The following IQSEC3 variants were observed in gnomAD, a reference collection of about 807,000 sequenced individuals.
IQSEC3 encodes IQ motif and SEC7 domain-containing protein 3.
Under a neutral mutation model 105.4 loss-of-function variants are expected in IQSEC3, and 50 were observed. The ratio of observed to expected loss-of-function variants is 0.47; its 90% CI spans 0.38 to 0.60. IQSEC3 has a LOEUF of 0.60. Ranked by LOEUF, IQSEC3 falls within the 20% of genes least tolerant of loss-of-function variation. IQSEC3 has a pLI of 0.00. For synonymous variants in IQSEC3, 708 were observed against 746.0 expected (o/e 0.95, Z 0.83); for missense variants, 1,415 against 1,630.0 (o/e 0.87, Z 2.27).
At chr12:92,309 T>C (rs1017513621) in intron 1 of IQSEC3, among the ~76,000 whole-genome samples, 2 of 152,196 alleles carry the variant, frequency 1.3e-5, no homozygotes, top group Admixed American at 6.5e-5. Flanking sequence ...ATGTTCCTTT[T>C]TCATAGAGGT....
At chr12:110,228 A>T (rs1372481507) in intron 2 of IQSEC3, among the ~76,000 whole-genome samples, 1 of 151,968 alleles carries the variant, frequency 6.6e-6, no homozygotes, top group African/African-American at 2.4e-5. Flanking sequence ...AGCTTCCCTC[A>T]GTAATTCCTT....
At chr12:122,704 G>C (rs1443075426) in intron 2 of IQSEC3, among the ~76,000 whole-genome samples, 5 of 152,186 alleles carry the variant, frequency 3.3e-5, no homozygotes, top group African/African-American at 1.2e-4. Flanking sequence ...CCGTGCAAGG[G>C]ACAGGGAAGC....
chr12:98,802 T>C (rs1163861288), intron 1 of IQSEC3, among the ~76,000 whole-genome samples: 1 of 152,166 alleles, frequency 6.6e-6, no homozygotes, highest in African/African-American at 2.4e-5. Context: ...AAGAACAAAC[T>C]ACGATAACAG....
intron 2 of IQSEC3, among the ~76,000 whole-genome samples, chr12:108,829 G>T (rs1194003055): frequency 3.9e-5 from 6 of 152,232 alleles, no homozygotes; most frequent in South Asian, 2.1e-4. Flanking sequence ...ATCAGCAAAG[G>T]CATCCCTGGC....
chr12:143,815 C>T (rs890220023), intron 5 of IQSEC3: 5 of 160,724 alleles, frequency 3.1e-5, no homozygotes, highest in South Asian at 1.2e-4. Flanking sequence ...AATGGGGCCA[C>T]GCTGGGCACC....
intron 5 of IQSEC3, among the ~76,000 whole-genome samples, chr12:155,733 C>A (rs968143280): frequency 6.6e-6 from 1 of 152,124 alleles, no homozygotes; most frequent in African/African-American, 2.4e-5. Context: ...ACTCAGCAGG[C>A]GTTTTCTGTG....
rs144058619 is a variant in IQSEC3 at position 164,087 on chromosome 12, T to C, written c.2709+468T>C. Among the ~76,000 whole-genome samples, 744 of 152,348 alleles carry C rather than the reference T, an allele frequency of 4.9e-3. 8 individuals are homozygous for C. Among genetic ancestry groups the C allele is most frequent in the African/African-American group, 0.017 (694 of 41,576 alleles). On this transcript the variant is annotated intron_variant, in intron 9 of 13. Transcript: ENST00000538872. The stretch of plus-strand genomic sequence containing the variant: ...ACCCACAGATACTTTTTTTGCTCTT[T>C]GAAAAGAAGTATCCATTCAACAAAT...
chr12:147,856 C>T (rs1308410238), intron 5 of IQSEC3: 1 of 152,220 alleles, frequency 6.6e-6, no homozygotes, highest in Non-Finnish European at 1.5e-5. Context: ...CCAGATTTAG[C>T]TTCCTCTCTC....
At chr12:93,837 G>C (rs547073975) in intron 1 of IQSEC3, among the ~76,000 whole-genome samples, 1 of 152,212 alleles carries the variant, frequency 6.6e-6, no homozygotes, top group South Asian at 2.1e-4. Flanking sequence ...TTCTCACTCT[G>C]TTAGTTCCCC....
chr12:81,034 A>G (rs1863728832), intron 1 of IQSEC3, among the ~76,000 whole-genome samples: 2 of 152,226 alleles, frequency 1.3e-5, no homozygotes, highest in Admixed American at 1.3e-4. Flanking sequence ...CGCGTAGCAG[A>G]TCTTGTAAGA....
intron 2 of IQSEC3, among the ~76,000 whole-genome samples, chr12:101,822 A>G (rs1284991130): frequency 6.6e-6 from 1 of 151,958 alleles, no homozygotes; most frequent in Non-Finnish European, 1.5e-5. Context: ...GGGGAATTCT[A>G]TGCTAAGATA....
chr12:124,401 A>AAG (rs1555082600), intron 2 of IQSEC3, among the ~76,000 whole-genome samples: 6 of 151,328 alleles, frequency 4.0e-5, no homozygotes, highest in Admixed American at 6.6e-5. Flanking sequence ...AAAAAAAAAA[A>AAG]AAAAGAAAAG....
chr12:86,401 C>T (rs1863918264), intron 1 of IQSEC3, among the ~76,000 whole-genome samples: 1 of 152,124 alleles, frequency 6.6e-6, no homozygotes, highest in African/African-American at 2.4e-5. Context: ...ACAGGCTTTG[C>T]TGTCCCCATA....
At chr12:72,191 G>T (rs1308128600) in intron 1 of IQSEC3, among the ~76,000 whole-genome samples, 1 of 152,176 alleles carries the variant, frequency 6.6e-6, no homozygotes, top group Non-Finnish European at 1.5e-5. Flanking sequence ...TTTCCTGCTG[G>T]CCCAAAACCA....
At chr12:172,993 C>G (rs1555100808) in intron 13 of IQSEC3, among the ~76,000 whole-genome samples, 1 of 152,116 alleles carries the variant, frequency 6.6e-6, no homozygotes, top group Admixed American at 6.5e-5. Flanking sequence ...GCCAGACATT[C>G]GCCTGGGGAG....
intron 12 of IQSEC3, among the ~76,000 whole-genome samples, chr12:170,734 G>C (rs1003037654): frequency 5.3e-5 from 8 of 152,238 alleles, no homozygotes; most frequent in Non-Finnish European, 1.2e-4. Context: ...TGCAGGGCTG[G>C]AGCAAAGAAG....
In IQSEC3 at chr12:105,047, G is replaced by A. The variant is rs571226472; in HGVS notation, c.623+5833G>A. On this transcript the variant is annotated intron_variant, in intron 2 of 13. Transcript: ENST00000538872. Reference sequence around the variant, plus strand: ...TTAGGGCGGCAGCGTGGGTCGGTCGGGCGGTACAGCCGCGTCCTCTTTCCC... The same window carrying A: ...TTAGGGCGGCAGCGTGGGTCGGTCGAGCGGTACAGCCGCGTCCTCTTTCCC... Among the ~76,000 whole-genome samples, 9 of 152,342 alleles carry A rather than the reference G, an allele frequency of 5.9e-5. No homozygotes were observed. In the South Asian group the frequency reaches 1.9e-3, roughly 32 times the overall value.
chr12:157,552 C>T lies in IQSEC3; in HGVS notation c.2301C>T (p.Pro767=), dbSNP rs375273357. The T allele has an allele frequency of 9.9e-6, 16 of 1,613,880 alleles. No homozygotes were observed. Among genetic ancestry groups the T allele is most frequent in the Middle Eastern group, 1.6e-4 (1 of 6,082 alleles). ...GCCAGCGCTACTGCATGTGCAACCC[C>T]GAAGTGGTTCAGCAGTTCCACAACC... The part of the protein sequence containing the change: ...AFSQRYCMCN[P]EVVQQFHNPD... The change falls in exon 7 of 14, where the codon CCC becomes CCT. Residue 767 remains proline (P), a synonymous_variant. Coordinates refer to ENST00000538872, the MANE Select transcript of IQSEC3 (RefSeq NM_001170738.2).
intron 3 of IQSEC3, among the ~76,000 whole-genome samples, chr12:134,138 G>A (rs1865683068): frequency 6.6e-6 from 1 of 152,144 alleles, no homozygotes; most frequent in Non-Finnish European, 1.5e-5. Context: ...AGCGTCTGCT[G>A]AGTCAGATTA....
Sources: gnomAD v4.1 joint callset for allele counts (sites outside exome capture counted in the v4.1 genomes callset) on GRCh38, gnomAD v4.1.1 for gene constraint, MANE v1.5 for transcripts, NCBI Gene and HGNC (gene_info 2026-07-23, HGNC 2026-07-21) for gene names.